Variants in SUGCT observed in about 807,000 individuals in gnomAD.
The protein encoded by SUGCT is succinyl-CoA:glutarate CoA-transferase.
Under a neutral mutation model 55.0 loss-of-function variants are expected in SUGCT, and 41 were observed. The ratio of observed to expected loss-of-function variants is 0.74; its 90% CI spans 0.58 to 0.97. The LOEUF (loss-of-function observed/expected upper bound fraction) is 0.97. SUGCT is among the 50% of genes least tolerant of loss of function. SUGCT has a pLI of 0.00. For synonymous variants in SUGCT, 187 were observed against 200.4 expected, an observed-to-expected ratio of 0.93 and a Z score of 0.56; for missense variants, 568 against 547.8, an observed-to-expected ratio of 1.04 and a Z score of -0.37.
At chr7:40,958,380 A>G in the SUGCT span, among the ~76,000 whole-genome samples, 2 of 151,464 alleles carry the variant, frequency 1.3e-5, no homozygotes, top group Non-Finnish European at 2.9e-5. Context: ...TTTTTTCTCT[A>G]ATCTTGTCTT....
intron 11 of SUGCT, among the ~76,000 whole-genome samples, chr7:40,482,999 G>T (rs1791139478): frequency 6.6e-6 from 1 of 152,156 alleles, no homozygotes; most frequent in Non-Finnish European, 1.5e-5. Context: ...GGGGAGAAAA[G>T]ATAACTTTAA....
chr7:40,918,774 T>G, the SUGCT span, among the ~76,000 whole-genome samples: 1 of 152,336 alleles, frequency 6.6e-6, no homozygotes. Flanking sequence ...CCATTCTTAG[T>G]GGTTCATTTC....
In SUGCT at chr7:40,312,494, G is replaced by C. The variant is rs142949265; in HGVS notation, c.721-4266G>C. The stretch of plus-strand genomic sequence containing the variant: ...CCAAGTTTCCATCCCTGAAAAACCT[G>C]ATTCATTTGGTATGGGGTGGGTTCT... On this transcript the variant is annotated intron_variant, in intron 8 of 13. Transcript: ENST00000335693. Among the ~76,000 whole-genome samples the C allele has an allele frequency of 5.6e-4, 85 of 152,160 alleles. 1 individual carries two copies. In the East Asian group the frequency reaches 0.016, roughly 28 times the overall value.
intron 1 of SUGCT, among the ~76,000 whole-genome samples, chr7:40,176,961 C>CAA (rs4051102): frequency 6.0e-5 from 6 of 100,298 alleles, no homozygotes; most frequent in East Asian, 6.1e-4. Context: ...ACTCCGTCTC[C>CAA]AAAAAAAAAA....
At chr7:40,391,170 C>T (rs1785410980) in intron 9 of SUGCT, among the ~76,000 whole-genome samples, 1 of 152,116 alleles carries the variant, frequency 6.6e-6, no homozygotes. Flanking sequence ...AGACCTAAAA[C>T]CATAAAAACC....
At chr7:40,215,265 C>A (rs549674207) in intron 6 of SUGCT, among the ~76,000 whole-genome samples, 15 of 152,212 alleles carry the variant, frequency 9.9e-5, no homozygotes, top group Non-Finnish European at 1.9e-4. Flanking sequence ...ACCTCGGCCT[C>A]CCAAGTAGCT....
intron 3 of SUGCT, among the ~76,000 whole-genome samples, chr7:40,183,438 C>T (rs11769327): frequency 0.51 from 77,573 of 151,984 alleles, 20,203 homozygotes; most frequent in Middle Eastern, 0.65. Context: ...CTACTAGGCT[C>T]GAGCAGTTCT....
chr7:40,717,775 C>T (rs1460296181), intron 12 of SUGCT, among the ~76,000 whole-genome samples: 2 of 152,098 alleles, frequency 1.3e-5, no homozygotes, highest in Admixed American at 1.3e-4. Context: ...ATCTTCACTG[C>T]ATCGTTTGGT....
the SUGCT span, among the ~76,000 whole-genome samples, chr7:41,029,650 G>A: frequency 6.6e-6 from 1 of 152,224 alleles, no homozygotes; most frequent in Admixed American, 6.5e-5. Context: ...AAAAGGTACA[G>A]AGAGTTCCCA....
At chr7:40,722,300 C>T (rs1325161704) in intron 12 of SUGCT, among the ~76,000 whole-genome samples, 1 of 152,212 alleles carries the variant, frequency 6.6e-6, no homozygotes, top group African/African-American at 2.4e-5. Context: ...AATCCTTGCT[C>T]ACGCTTATAC....
At chr7:40,524,071 G>A (rs931773608) in intron 12 of SUGCT, among the ~76,000 whole-genome samples, 3 of 151,822 alleles carry the variant, frequency 2.0e-5, no homozygotes, top group Admixed American at 6.6e-5. Flanking sequence ...GCCTTCTTAC[G>A]TTTATGGTAA....
intron 11 of SUGCT, among the ~76,000 whole-genome samples, chr7:40,490,712 T>G (rs530164188): frequency 1.2e-4 from 18 of 152,174 alleles, no homozygotes; most frequent in Non-Finnish European, 2.6e-4. Flanking sequence ...AAGAATGGAT[T>G]TTTAAGGTCA....
At chr7:40,776,352 G>A (rs770539591) in intron 13 of SUGCT, among the ~76,000 whole-genome samples, 1 of 152,148 alleles carries the variant, frequency 6.6e-6, no homozygotes, top group Non-Finnish European at 1.5e-5. Context: ...TTTGAGTTTT[G>A]TGGGGTTTTG....
Position 40,695,010 on chromosome 7 carries a change from T to C in SUGCT, c.1090-54424T>C, listed in dbSNP as rs570064001. 4.3e-4 allele frequency among the ~76,000 whole-genome samples: 65 copies of C among 152,220 alleles called. 1 individual carries two copies. The highest frequency in any genetic ancestry group is 3.5e-3 in the Admixed American group (53 of 15,300). ...TATCCCCTTTGTTTTATGATGTAAA[T>C]CTTGTTTTTAGGATGAGTGCTTATG... On this transcript the variant is annotated intron_variant, in intron 12 of 13. Coordinates refer to ENST00000335693, the MANE Select transcript of SUGCT (RefSeq NM_001193313.2).
intron 11 of SUGCT, among the ~76,000 whole-genome samples, chr7:40,486,618 C>T (rs1301207369): frequency 2.6e-5 from 4 of 151,568 alleles, no homozygotes; most frequent in African/African-American, 9.7e-5. Flanking sequence ...TATAAACTTC[C>T]CTCTTAGTAC....
chr7:40,410,148 A>T (rs1349470975), intron 9 of SUGCT, among the ~76,000 whole-genome samples: 1 of 152,146 alleles, frequency 6.6e-6, no homozygotes, highest in Non-Finnish European at 1.5e-5. Flanking sequence ...TATTATATAT[A>T]TGTCATAACT....
chr7:40,467,966 C>CTT (rs79872831), intron 11 of SUGCT, among the ~76,000 whole-genome samples: 7 of 124,380 alleles, frequency 5.6e-5, no homozygotes, highest in African/African-American at 1.5e-4. Context: ...TACTCATTTT[C>CTT]TTTTTTTTTT....
At chr7:40,156,156 C>T (rs1159128548) in intron 1 of SUGCT, among the ~76,000 whole-genome samples, 2 of 152,088 alleles carry the variant, frequency 1.3e-5, no homozygotes, top group Non-Finnish European at 2.9e-5. Flanking sequence ...TGTGCCTGGT[C>T]TAGGATACCT....
chr7:40,218,113 T>G (rs1217122390), intron 6 of SUGCT, among the ~76,000 whole-genome samples: 1 of 152,120 alleles, frequency 6.6e-6, no homozygotes, highest in African/African-American at 2.4e-5. Context: ...TTTGGGAGGC[T>G]GAGGCAGGAG....
Sources: gnomAD v4.1 joint callset for allele counts (sites outside exome capture counted in the v4.1 genomes callset) on GRCh38, gnomAD v4.1.1 for gene constraint, MANE v1.5 for transcripts, NCBI Gene and HGNC (gene_info 2026-07-23, HGNC 2026-07-21) for gene names.